NTRK2: variants seen among roughly 807,000 people sequenced by gnomAD.
The protein encoded by NTRK2 is neurotrophic receptor tyrosine kinase 2, also known as BDNF/NT-3 growth factors receptor.
In NTRK2, 13 loss-of-function variants were observed where a neutral mutation model predicts 94.5. That is an observed-to-expected ratio of 0.14 (90% CI 0.09 to 0.22). NTRK2 has a LOEUF of 0.22. Ranked by LOEUF, NTRK2 falls within the 10% of genes least tolerant of loss-of-function variation. The probability of loss-of-function intolerance (pLI) is 1.00; values close to 1 mark genes in which losing one functional copy is unlikely to be tolerated. For synonymous variants in NTRK2, 372 were observed against 407.4 expected (o/e 0.91, Z 1.05); for missense variants, 639 against 1,071.2 (o/e 0.60, Z 5.63).
At chr9:84,831,606 C>T (rs1465522036) in intron 12 of NTRK2, among the ~76,000 whole-genome samples, 1 of 152,198 alleles carries the variant, frequency 6.6e-6, no homozygotes, top group African/African-American at 2.4e-5. Context: ...CCACCATTAT[C>T]CCCATCCAGA....
intron 11 of NTRK2, among the ~76,000 whole-genome samples, chr9:84,748,255 T>TGAGA (rs1162381069): frequency 3.9e-5 from 6 of 152,200 alleles, no homozygotes. Flanking sequence ...TACACAAAAT[T>TGAGA]CTGTATTTCT....
chr9:84,891,322 T>A (rs539219823), intron 14 of NTRK2, among the ~76,000 whole-genome samples: 4 of 151,740 alleles, frequency 2.6e-5, no homozygotes, highest in Non-Finnish European at 5.9e-5. Flanking sequence ...TTGGTTAAAA[T>A]AGCCTAGATT....
At chr9:84,722,383 G>A (rs751639663) in intron 6 of NTRK2, among the ~76,000 whole-genome samples, 8 of 151,944 alleles carry the variant, frequency 5.3e-5, no homozygotes, top group Non-Finnish European at 1.0e-4. Flanking sequence ...TGGCTTTGCC[G>A]GTAAGAATAC....
rs2064860116 is a variant in NTRK2 at position 84,754,006 on chromosome 9, A to G, written c.1396+1921A>G. ...TCCTTACAATGTGGCAATGGAGGAG[A>G]AAAAGCGTAGACATTTTCTTTCAGA... is the stretch of plus-strand genomic sequence containing the variant. On this transcript the variant is annotated intron_variant, in intron 12 of 18. Transcript: ENST00000277120. 3.3e-5 allele frequency among the ~76,000 whole-genome samples: 5 copies of G among 152,324 alleles called. No individual in the cohort carries two copies. In the South Asian group the frequency reaches 1.0e-3, roughly 32 times the overall value.
At chr9:84,800,545 C>G (rs561582411) in intron 12 of NTRK2, among the ~76,000 whole-genome samples, 1 of 152,128 alleles carries the variant, frequency 6.6e-6, no homozygotes, top group Admixed American at 6.6e-5. Context: ...ATTCCTCAGT[C>G]GAGGAATGCA....
chr9:85,021,175 C>T lies in NTRK2; in HGVS notation c.2332-77C>T, dbSNP rs1423762716. On this transcript the variant is annotated intron_variant, in intron 18 of 18. Transcript: ENST00000277120. ...TCTTTTGTAAAAGCCCTCTCTTCTG[C>T]TGTTTTTTTGCACTGACATTTCTTC... The T allele has an allele frequency of 3.1e-6, 4 of 1,298,140 alleles. No individual in the cohort carries two copies. The Admixed American group carries it at 7.5e-5, about 24-fold the overall frequency. The allele number at this position is 1,298,140 out of a possible 1,614,324, so 80.4% of individuals were successfully genotyped here. A position where few individuals can be genotyped will look rare whatever the true frequency, so the allele number is the denominator to read the frequency against.
chr9:84,810,895 A>G, intron 12 of NTRK2: 1 of 1,230,644 alleles, frequency 8.1e-7, no homozygotes, highest in South Asian at 3.1e-5. Flanking sequence ...ATTGGATTGT[A>G]CTTCTCTTCT....
At chr9:84,866,395 T>C (rs2075596696) in intron 13 of NTRK2, among the ~76,000 whole-genome samples, 1 of 152,164 alleles carries the variant, frequency 6.6e-6, no homozygotes. Flanking sequence ...TATAAGTCGA[T>C]GTAGAGGTCC....
chr9:84,841,403 G>A (rs1193831341), intron 12 of NTRK2, among the ~76,000 whole-genome samples: 1 of 152,122 alleles, frequency 6.6e-6, no homozygotes, highest in East Asian at 1.9e-4. Flanking sequence ...GCCTATATTA[G>A]CTCTGCCTTC....
At chr9:84,957,326 A>G (rs527711898) in intron 17 of NTRK2, among the ~76,000 whole-genome samples, 2 of 152,220 alleles carry the variant, frequency 1.3e-5, no homozygotes, top group Admixed American at 6.5e-5. Context: ...CAAAGCTAGG[A>G]CTTAACTGGA....
intron 17 of NTRK2, among the ~76,000 whole-genome samples, chr9:84,957,458 A>G (rs972313209): frequency 1.3e-5 from 2 of 152,218 alleles, no homozygotes; most frequent in South Asian, 2.1e-4. Flanking sequence ...CTGAATAGAC[A>G]TTTCTCCAAA....
At chr9:84,893,526 T>C (rs1371342276) in intron 14 of NTRK2, among the ~76,000 whole-genome samples, 1 of 152,070 alleles carries the variant, frequency 6.6e-6, no homozygotes, top group Non-Finnish European at 1.5e-5. Context: ...TCATTGGCAG[T>C]GTAGATGTGG....
chr9:84,914,160 G>GT (rs1175261007), intron 14 of NTRK2, among the ~76,000 whole-genome samples: 5 of 151,682 alleles, frequency 3.3e-5, no homozygotes, highest in Admixed American at 6.6e-5. Flanking sequence ...ATATCCTCTG[G>GT]TTTTTTTGTT....
intron 14 of NTRK2, among the ~76,000 whole-genome samples, chr9:84,919,228 C>T (rs1273278153): frequency 1.3e-5 from 2 of 152,184 alleles, no homozygotes; most frequent in African/African-American, 4.8e-5. Context: ...CCTTTTGTGT[C>T]TATAAAGCCT....
At chr9:84,695,092 CTATCTATCTATG>C in intron 2 of NTRK2, among the ~76,000 whole-genome samples, 1 of 148,332 alleles carries the variant, frequency 6.7e-6, no homozygotes, top group Non-Finnish European at 1.5e-5. Context: ...CAAAAAACTT[CTATCTATCTATG>C]TATCTATCTA....
chr9:84,903,456 A>G (rs764921281), intron 14 of NTRK2, among the ~76,000 whole-genome samples: 2 of 152,230 alleles, frequency 1.3e-5, no homozygotes, highest in African/African-American at 2.4e-5. Context: ...ATCATGTTCC[A>G]TCTTTCCCAA....
At chr9:84,876,732 G>T in intron 14 of NTRK2, 2 of 1,060,848 alleles carry the variant, frequency 1.9e-6, no homozygotes, top group South Asian at 4.6e-5. Context: ...AATTTCATTA[G>T]TGCCATTTCC....
At chr9:84,884,682 A>G (rs1373915673) in intron 14 of NTRK2, among the ~76,000 whole-genome samples, 2 of 152,296 alleles carry the variant, frequency 1.3e-5, no homozygotes, top group South Asian at 4.1e-4. Flanking sequence ...TGTAGAGTTC[A>G]TTATCTTGCA....
chr9:84,962,145 C>T (rs1176544579), intron 17 of NTRK2, among the ~76,000 whole-genome samples: 1 of 152,280 alleles, frequency 6.6e-6, no homozygotes, highest in South Asian at 2.1e-4. Flanking sequence ...TATTAGATTG[C>T]ATTCTGATAT....
Sources: allele counts gnomAD v4.1 joint callset (sites outside exome capture counted in the v4.1 genomes callset), GRCh38; gene constraint gnomAD v4.1.1; transcripts MANE v1.5; gene names NCBI Gene and HGNC (gene_info 2026-07-23, HGNC 2026-07-21).